Variants in PPP1R2 observed in about 807,000 individuals in gnomAD.
PPP1R2 encodes the protein protein phosphatase 1 regulatory inhibitor subunit 2.
In PPP1R2, 16 loss-of-function variants were observed where a neutral mutation model predicts 29.9. That is an observed-to-expected ratio of 0.53 (90% CI 0.36 to 0.81). The LOEUF (loss-of-function observed/expected upper bound fraction) is 0.81. PPP1R2 is among the 30% of genes least tolerant of loss of function. PPP1R2 has a pLI of 0.00. For missense variants in PPP1R2, 197 were observed against 252.7 expected (o/e 0.78, Z 1.49); for synonymous variants, 76 against 91.5 (o/e 0.83, Z 0.96).
At chr3:195,518,244 T>A (rs930650127) in intron 5 of PPP1R2, among the ~76,000 whole-genome samples, 8 of 151,526 alleles carry the variant, frequency 5.3e-5, no homozygotes, top group Non-Finnish European at 7.4e-5. Flanking sequence ...AAAAAAAAAA[T>A]AAAAACAAAA....
chr3:195,524,670 G>A, intron 3 of PPP1R2, 149 bp downstream of exon 3: 1 of 671,948 alleles, frequency 1.5e-6, no homozygotes, highest in Non-Finnish European at 2.5e-6. Flanking sequence ...TGAAAAAAGG[G>A]GGAAAAAAGG....
Position 195,524,874 on chromosome 3 carries a change from C to G in PPP1R2, c.253G>C (p.Ala85Pro). The change falls in exon 3 of 6, where the codon GCC becomes CCC. Residue 85 changes from alanine (A) to proline (P), a missense_variant. Coordinates refer to ENST00000618156, the MANE Select transcript of PPP1R2 (RefSeq NM_006241.8). ...YHSMMGDDEDACSDTEATEAM... is the reference protein window; with the variant it reads ...YHSMMGDDEDPCSDTEATEAM... ...TCAGTGGCCTCGGTGTCACTACAGG[C>G]ATCTTCATCATCCCCCATCATACTA... 1.2e-6 allele frequency: 2 copies of G among 1,614,108 alleles called. No individual in the cohort carries two copies. The highest frequency in any genetic ancestry group is 1.7e-6 in the Non-Finnish European group (2 of 1,179,978).
At chr3:195,537,154 T>C (rs1719419844) in intron 1 of PPP1R2, among the ~76,000 whole-genome samples, 1 of 151,942 alleles carries the variant, frequency 6.6e-6, no homozygotes, top group African/African-American at 2.4e-5. Context: ...ATACAGTATA[T>C]ATACAATACA....
intron 1 of PPP1R2, among the ~76,000 whole-genome samples, chr3:195,534,159 T>A (rs1244545720): frequency 2.6e-5 from 4 of 151,930 alleles, no homozygotes; most frequent in African/African-American, 4.8e-5. Context: ...CTACAAAAAA[T>A]TTTTAAAATT....
intron 4 of PPP1R2, among the ~76,000 whole-genome samples, chr3:195,521,152 G>A (rs532213248): frequency 6.6e-6 from 1 of 151,632 alleles, no homozygotes; most frequent in Non-Finnish European, 1.5e-5. Flanking sequence ...CGTCTCTACT[G>A]AAAATACAAA....
rs878971891 is a variant in PPP1R2 at position 195,514,796 on chromosome 3, T to C, written c.*2100A>G. On this transcript the variant is annotated 3_prime_UTR_variant, in exon 6 of 6. Transcript: ENST00000618156. Reference sequence around the variant, plus strand: ...ACCCTATCAATTACCTACTTATGACTTGAACATACCTTTTCTCAGCTGCAT... The same window carrying C: ...ACCCTATCAATTACCTACTTATGACCTGAACATACCTTTTCTCAGCTGCAT... 1 of 156,152 alleles carries C rather than the reference T, an allele frequency of 6.4e-6. No individual in the cohort carries two copies. The highest frequency in any genetic ancestry group is 1.4e-5 in the Non-Finnish European group (1 of 70,642). 9.7% of individuals were successfully genotyped at this position (156,152 alleles called of 1,614,324 possible).
intron 4 of PPP1R2, among the ~76,000 whole-genome samples, chr3:195,522,693 G>A (rs758824317): frequency 2.4e-4 from 37 of 152,234 alleles, no homozygotes; most frequent in African/African-American, 7.9e-4. Context: ...AATTTCTCTC[G>A]TACAAATATT....
At chr3:195,533,896 T>A (rs140811285) in intron 1 of PPP1R2, among the ~76,000 whole-genome samples, 3 of 152,350 alleles carry the variant, frequency 2.0e-5, no homozygotes, top group African/African-American at 4.8e-5. Context: ...GAGAATTTAA[T>A]GCGAGCAAAC....
intron 4 of PPP1R2, among the ~76,000 whole-genome samples, chr3:195,521,314 C>CAAAAAAAA (rs869228346): frequency 1.9e-4 from 11 of 56,638 alleles, no homozygotes; most frequent in Non-Finnish European, 2.5e-4. Flanking sequence ...GACTCTGTCT[C>CAAAAAAAA]AAAAAAAAAA....
At chr3:195,536,380 G>C (rs964708157) in intron 1 of PPP1R2, among the ~76,000 whole-genome samples, 2 of 150,954 alleles carry the variant, frequency 1.3e-5, no homozygotes, top group African/African-American at 4.9e-5. Context: ...AATAATTTCT[G>C]ACACTTTAAA....
chr3:195,536,607 G>A (rs1719394283), intron 1 of PPP1R2, among the ~76,000 whole-genome samples: 1 of 151,834 alleles, frequency 6.6e-6, no homozygotes. Flanking sequence ...CGGCCAACAT[G>A]ATGAAGCCCT....
At chr3:195,536,126 C>G (rs1719372727) in intron 1 of PPP1R2, among the ~76,000 whole-genome samples, 1 of 151,938 alleles carries the variant, frequency 6.6e-6, no homozygotes, top group Non-Finnish European at 1.5e-5. Flanking sequence ...GTTTATATTA[C>G]CTGTAAGGCT....
At chr3:195,536,054 C>T (rs1317350065) in intron 1 of PPP1R2, among the ~76,000 whole-genome samples, 2 of 152,088 alleles carry the variant, frequency 1.3e-5, no homozygotes, top group East Asian at 3.8e-4. Flanking sequence ...CTCTAGCTTA[C>T]TGTATTATAA....
At chr3:195,540,569 G>C (rs1045551021) in intron 1 of PPP1R2, among the ~76,000 whole-genome samples, 1 of 152,222 alleles carries the variant, frequency 6.6e-6, no homozygotes, top group African/African-American at 2.4e-5. Flanking sequence ...GCAGTGTGGA[G>C]AGGCACAGCT....
At chr3:195,521,898 G>A (rs1475191756) in intron 4 of PPP1R2, among the ~76,000 whole-genome samples, 1 of 152,148 alleles carries the variant, frequency 6.6e-6, no homozygotes, top group Non-Finnish European at 1.5e-5. Flanking sequence ...AGATCCTCCT[G>A]TCTCAGCCTC....
In PPP1R2 at chr3:195,537,481, TTGTGTGTGTGTGTGTGTGTGTGTG is replaced by T. The variant is rs71180930; in HGVS notation, c.122+5399_122+5422del. Among the ~76,000 whole-genome samples, 386 of 128,574 alleles carry T rather than the reference TTGTGTGTGTGTGTGTGTGTGTGTG, an allele frequency of 3.0e-3. 4 individuals are homozygous for T. Among genetic ancestry groups the T allele is most frequent in the African/African-American group, 0.011 (373 of 33,354 alleles). 84.3% of individuals were successfully genotyped at this position (128,574 alleles called of 152,430 possible). ...ACCAAACCATTGCTAGGATTAGCTATTGTGTGTGTGTGTGTGTGTGTGTGTGTGTGTGTGTGTGTTTCCATTTCA... is the reference window on the plus strand; with the variant it reads ...ACCAAACCATTGCTAGGATTAGCTATTGTGTGTGTGTGTGTTTCCATTTCA... On this transcript the variant is annotated intron_variant, in intron 1 of 5. Transcript: ENST00000618156.
chr3:195,528,099 G>A (rs1001500883), intron 2 of PPP1R2, among the ~76,000 whole-genome samples: 2 of 152,024 alleles, frequency 1.3e-5, no homozygotes, highest in East Asian at 3.9e-4. Context: ...CCCATCACCC[G>A]AGCAGTGTAC....
chr3:195,517,965 T>G (rs1718610431), intron 5 of PPP1R2, among the ~76,000 whole-genome samples: 2 of 152,210 alleles, frequency 1.3e-5, no homozygotes, highest in Admixed American at 1.3e-4. Flanking sequence ...TTTAATACTA[T>G]GCTTACCAAA....
intron 1 of PPP1R2, among the ~76,000 whole-genome samples, chr3:195,532,342 C>T (rs1719217045): frequency 6.6e-6 from 1 of 151,490 alleles, no homozygotes; most frequent in Non-Finnish European, 1.5e-5. Flanking sequence ...TGAGCCACCA[C>T]ACCTGGCCAT....
Sources: allele counts gnomAD v4.1 joint callset (sites outside exome capture counted in the v4.1 genomes callset), GRCh38; gene constraint gnomAD v4.1.1; transcripts MANE v1.5; gene names NCBI Gene and HGNC (gene_info 2026-07-23, HGNC 2026-07-21).